PPIP5K2: variants seen among roughly 807,000 people sequenced by gnomAD.
The protein encoded by PPIP5K2 is diphosphoinositol pentakisphosphate kinase 2.
In PPIP5K2, 105 loss-of-function variants were observed where a neutral mutation model predicts 154.6. The ratio of observed to expected loss-of-function variants is 0.68; its 90% CI spans 0.58 to 0.80. The LOEUF (loss-of-function observed/expected upper bound fraction) is 0.80, where lower values mean the gene tolerates loss of function less well. Ranked by LOEUF, PPIP5K2 falls within the 30% of genes least tolerant of loss-of-function variation. The pLI is 0.00. For synonymous variants in PPIP5K2, 480 were observed against 490.3 expected (o/e 0.98, Z 0.28); for missense variants, 992 against 1,504.6 (o/e 0.66, Z 5.64).
rs150311046 is a variant in PPIP5K2, at chr5:103,184,999, A to G, written c.3169+255A>G. On this transcript the variant is annotated intron_variant, in intron 26 of 30. Coordinates refer to ENST00000358359, the MANE Select transcript of PPIP5K2 (RefSeq NM_001276277.3). Reference sequence around the variant, plus strand: ...ACCACTTAGTTCACTTGCCAATGCTAGTTTTTAATCTTGTACTCTGTAAGT... The same window carrying G: ...ACCACTTAGTTCACTTGCCAATGCTGGTTTTTAATCTTGTACTCTGTAAGT... Among the ~76,000 whole-genome samples, 289 of 152,322 alleles carry G rather than the reference A, an allele frequency of 1.9e-3. 5 individuals are homozygous for G. The highest frequency in any genetic ancestry group is 7.9e-3 in the East Asian group (41 of 5,190).
At chr5:103,180,778 A>G (rs565297473) in intron 24 of PPIP5K2, among the ~76,000 whole-genome samples, 48 of 151,234 alleles carry the variant, frequency 3.2e-4, no homozygotes, top group African/African-American at 1.1e-3. Flanking sequence ...TGAATCCAGG[A>G]GGCAGAGCTT....
intron 2 of PPIP5K2, among the ~76,000 whole-genome samples, chr5:103,130,997 A>G (rs1790515739): frequency 6.6e-6 from 1 of 152,040 alleles, no homozygotes; most frequent in Non-Finnish European, 1.5e-5. Flanking sequence ...CGTCTTTGCT[A>G]TTGTATGTAC....
At chr5:103,156,576 A>G (rs575797851) in intron 14 of PPIP5K2, among the ~76,000 whole-genome samples, 13 of 152,292 alleles carry the variant, frequency 8.5e-5, no homozygotes, top group African/African-American at 2.4e-4. Flanking sequence ...AATGATAGTA[A>G]TAATAATCTG....
chr5:103,187,040 T>G (rs530893286), intron 27 of PPIP5K2, among the ~76,000 whole-genome samples: 3 of 152,212 alleles, frequency 2.0e-5, no homozygotes, highest in Admixed American at 2.0e-4. Flanking sequence ...TTCTTATTTA[T>G]CAACAAATTT....
intron 1 of PPIP5K2, among the ~76,000 whole-genome samples, chr5:103,124,161 T>C (rs1337463514): frequency 6.6e-6 from 1 of 151,682 alleles, no homozygotes; most frequent in Admixed American, 6.6e-5. Context: ...GTGCCTGTAG[T>C]CCCAGCTACT....
At position 103,158,246 on chromosome 5, in the gene PPIP5K2, T is replaced by G. The variant is rs1319468604; in HGVS notation, c.1548T>G (p.Thr516=). 1 of 1,614,068 alleles carries G rather than the reference T, an allele frequency of 6.2e-7. No homozygotes were observed. ...LLVLKWGGEL[T]PAGRVQAEEL... is the part of the protein sequence containing the mutation. ...TTCTAAAATGGGGAGGTGAATTAAC[T>G]CCTGCAGGCAGGGTCCAGGCTGAAG... The change falls in exon 15 of 31, where the codon ACT becomes ACG. Residue 516 remains threonine, a synonymous_variant. Transcript: ENST00000358359.
intron 19 of PPIP5K2, among the ~76,000 whole-genome samples, chr5:103,172,872 T>C (rs1327816333): frequency 6.6e-6 from 1 of 151,862 alleles, no homozygotes; most frequent in Non-Finnish European, 1.5e-5. Flanking sequence ...TTAAAACCAC[T>C]GATTTAGTGA....
intron 13 of PPIP5K2, among the ~76,000 whole-genome samples, chr5:103,155,501 C>G (rs1057030860): frequency 7.7e-6 from 1 of 130,590 alleles, no homozygotes; most frequent in African/African-American, 2.8e-5. Flanking sequence ...TCTCAGCTCA[C>G]TGCAACCTCT....
intron 5 of PPIP5K2, among the ~76,000 whole-genome samples, chr5:103,145,320 C>G (rs1410366319): frequency 4.6e-5 from 7 of 151,988 alleles, no homozygotes; most frequent in African/African-American, 1.7e-4. Flanking sequence ...AGTAAAGCCA[C>G]TATTGAGAAC....
In PPIP5K2 at chr5:103,183,315, C is replaced by T. The variant is rs782425976; in HGVS notation, c.3004C>T (p.Arg1002Ter). 14 of 1,602,246 alleles carry T rather than the reference C, an allele frequency of 8.7e-6. No individual in the cohort carries two copies. The highest frequency in any genetic ancestry group is 2.2e-5 in the South Asian group (2 of 90,088). Residue 1002 changes from arginine to a stop codon, truncating the protein, a stop_gained, in exon 25 of 31, where the codon CGA (arginine) becomes TGA (stop). Transcript: ENST00000358359. LOFTEE classifies it high-confidence loss of function. The part of the protein sequence containing the change: ...HYTSGVGTGR[R>*]RRRSGEQITS... Reference sequence around the variant, plus strand: ...TACCAGTGGTGTGGGTACTGGGCGTCGAAGACGCAGATCAGGGGAACAAAT... The same window carrying T: ...TACCAGTGGTGTGGGTACTGGGCGTTGAAGACGCAGATCAGGGGAACAAAT...
rs1554224226 is a variant in PPIP5K2 at position 103,184,686 on chromosome 5, T to C, written c.3111T>C (p.Asn1037=). 17 of 1,612,002 alleles carry C rather than the reference T, an allele frequency of 1.1e-5. No individual in the cohort carries two copies. The highest frequency in any genetic ancestry group is 1.3e-5 in the Non-Finnish European group (15 of 1,178,308). The stretch of plus-strand genomic sequence containing the variant: ...TCCTTATGCAGGTTGTATCTGAAAA[T>C]GCTAATTACCTGAGAACACCAAGAA... The part of the protein sequence containing the change: ...FGSWQQVVSE[N]ANYLRTPRTL... The change falls in exon 26 of 31, where the codon AAT becomes AAC. Residue 1037 remains asparagine (N), a synonymous_variant. Coordinates refer to ENST00000358359, the MANE Select transcript of PPIP5K2 (RefSeq NM_001276277.3).
At chr5:103,163,391 T>A (rs2149646104) in intron 17 of PPIP5K2, among the ~76,000 whole-genome samples, 1 of 152,072 alleles carries the variant, frequency 6.6e-6, no homozygotes, top group South Asian at 2.1e-4. Context: ...TATTCTCTGT[T>A]GTTGCTATAT....
chr5:103,178,676 A>C (rs527616595), intron 23 of PPIP5K2, among the ~76,000 whole-genome samples: 114 of 151,790 alleles, frequency 7.5e-4, no homozygotes, highest in Non-Finnish European at 1.2e-3. Context: ...TTTGGAGAAA[A>C]ATGATACTTT....
chr5:103,145,076 A>G lies in PPIP5K2; in HGVS notation c.488-1451A>G, dbSNP rs1039530294. On this transcript the variant is annotated intron_variant, in intron 5 of 30. Transcript: ENST00000358359. The stretch of plus-strand genomic sequence containing the variant: ...CAGCTCTATAGGAAAAAAAAAATCT[A>G]ATTAAAATATGGGCAAAAGATTTGA... Among the ~76,000 whole-genome samples the G allele has an allele frequency of 4.6e-5, 7 of 152,056 alleles. No homozygotes were observed. The East Asian group carries it at 1.3e-3, about 29-fold the overall frequency.
chr5:103,120,522 G>A (rs1554198646), intron 1 of PPIP5K2, 34 bp downstream of exon 1: 1 of 456,646 alleles, frequency 2.2e-6, no homozygotes, highest in East Asian at 7.0e-5. Flanking sequence ...AACCGGAGAT[G>A]CGGAACCTGA....
intron 30 of PPIP5K2, among the ~76,000 whole-genome samples, chr5:103,201,133 C>T (rs950782323): frequency 2.0e-5 from 3 of 152,212 alleles, no homozygotes; most frequent in South Asian, 2.1e-4. Context: ...TTGTCTTTCT[C>T]GTCAGATATC....
rs1193881877 is a variant in PPIP5K2, at chr5:103,147,232, A to G, written c.642+551A>G. On this transcript the variant is annotated intron_variant, in intron 6 of 30. Coordinates refer to ENST00000358359, the MANE Select transcript of PPIP5K2 (RefSeq NM_001276277.3). ...AATTTAGCAATGTATCAGAATGTAA[A>G]ATGCATATACATATAGAAATTGATG... 3.3e-5 allele frequency among the ~76,000 whole-genome samples: 5 copies of G among 151,952 alleles called. No individual in the cohort carries two copies. In the East Asian group the frequency reaches 9.6e-4, roughly 29 times the overall value.
intron 5 of PPIP5K2, among the ~76,000 whole-genome samples, chr5:103,139,724 A>G (rs1792229042): frequency 6.6e-6 from 1 of 152,220 alleles, no homozygotes; most frequent in Admixed American, 6.5e-5. Context: ...GAGATATGTG[A>G]CCTTTCAGAC....
chr5:103,195,750 C>A (rs1368691323), intron 30 of PPIP5K2, among the ~76,000 whole-genome samples: 1 of 152,044 alleles, frequency 6.6e-6, no homozygotes, highest in Non-Finnish European at 1.5e-5. Context: ...TTTTTCTTAC[C>A]ATATATCTTT....
Sources: gnomAD v4.1 joint callset for allele counts (sites outside exome capture counted in the v4.1 genomes callset) on GRCh38, gnomAD v4.1.1 for gene constraint, MANE v1.5 for transcripts, NCBI Gene and HGNC (gene_info 2026-07-23, HGNC 2026-07-21) for gene names.